Variants in TNFRSF8 observed in about 807,000 individuals in gnomAD.
TNFRSF8 encodes TNF receptor superfamily member 8, also known as tumor necrosis factor receptor superfamily member 8.
Under a neutral mutation model 70.8 loss-of-function variants are expected in TNFRSF8, and 26 were observed. The ratio of observed to expected loss-of-function variants is 0.37; its 90% CI spans 0.27 to 0.51. The LOEUF (loss-of-function observed/expected upper bound fraction) is 0.51. Ranked by LOEUF, TNFRSF8 falls within the 20% of genes least tolerant of loss-of-function variation. TNFRSF8 has a pLI of 0.94. For missense variants in TNFRSF8, 720 were observed against 807.9 expected, an observed-to-expected ratio of 0.89 and a Z score of 1.32; for synonymous variants, 356 against 339.2, an observed-to-expected ratio of 1.05 and a Z score of -0.54.
chr1:12,128,082 T>C (rs537213333), intron 12 of TNFRSF8, among the ~76,000 whole-genome samples: 2 of 152,298 alleles, frequency 1.3e-5, no homozygotes, highest in South Asian at 4.1e-4. Flanking sequence ...CCCCTTTCCC[T>C]CCTGAGCCGT....
rs1046922560 is a variant in TNFRSF8, at chr1:12,113,745, G to GAGAAAGAGAGAGAGAGAGAC, written c.793+1755_793+1774dup. The stretch of plus-strand genomic sequence containing the variant: ...ATAGAGTGTGACAGAGAGAAAGACA[G>GAGAAAGAGAGAGAGAGAGAC]AGAAAGAGAGAGAGAGAGACAGAAA... On this transcript the variant is annotated intron_variant, in intron 7 of 14. Coordinates refer to ENST00000263932, the MANE Select transcript of TNFRSF8 (RefSeq NM_001243.5). The surrounding 1 kb of genome is among the most constrained non-coding windows in gnomAD (Gnocchi z 4.9). 6.6e-6 allele frequency among the ~76,000 whole-genome samples: 1 copy of GAGAAAGAGAGAGAGAGAGAC among 151,654 alleles called. No homozygotes were observed. Among genetic ancestry groups the GAGAAAGAGAGAGAGAGAGAC allele is most frequent in the Non-Finnish European group, 1.5e-5 (1 of 67,828 alleles).
At chr1:12,102,638 G>A (rs955345780) in intron 3 of TNFRSF8, among the ~76,000 whole-genome samples, 1 of 152,146 alleles carries the variant, frequency 6.6e-6, no homozygotes, top group Non-Finnish European at 1.5e-5. Flanking sequence ...TGATTTTCCT[G>A]TCTCAGCCTC....
chr1:12,063,713 A>G lies in TNFRSF8; in HGVS notation c.63+52A>G, dbSNP rs1640688247. 7.9e-7 allele frequency: 1 copy of G among 1,258,090 alleles called. No homozygotes were observed. The highest frequency in any genetic ancestry group is 3.2e-5 in the East Asian group (1 of 31,678). The allele number at this position is 1,258,090 out of a possible 1,614,324, so 77.9% of individuals were successfully genotyped here. On this transcript the variant is annotated intron_variant, in intron 1 of 14. Transcript: ENST00000263932. The surrounding 1 kb of genome is among the most constrained non-coding windows in gnomAD (Gnocchi z 7.2). ...GGTGCCGGCGGTCCAGAGCCCGGACAGTGTGGGGTGCGTGGGACGCAAGGG... is the reference window on the plus strand; with the variant it reads ...GGTGCCGGCGGTCCAGAGCCCGGACGGTGTGGGGTGCGTGGGACGCAAGGG...
In TNFRSF8 at chr1:12,138,016, C is replaced by T. The variant is rs11569937; in HGVS notation, c.1336-213C>T. On this transcript the variant is annotated intron_variant, in intron 13 of 14. Coordinates refer to ENST00000263932, the MANE Select transcript of TNFRSF8 (RefSeq NM_001243.5). The surrounding 1 kb of genome is among the most constrained non-coding windows in gnomAD (Gnocchi z 5.7). ...CGGACGTGGCGAGCACCCTGTGAGTCGCTGACTGTTACCCCTACTATTTAG... is the reference window on the plus strand; with the variant it reads ...CGGACGTGGCGAGCACCCTGTGAGTTGCTGACTGTTACCCCTACTATTTAG... Among the ~76,000 whole-genome samples, 6 of 152,112 alleles carry T rather than the reference C, an allele frequency of 3.9e-5. No homozygotes were observed. The highest frequency in any genetic ancestry group is 4.2e-4 in the South Asian group (2 of 4,814).
At chr1:12,065,221 T>A (rs1640717982) in intron 1 of TNFRSF8, among the ~76,000 whole-genome samples, 1 of 151,668 alleles carries the variant, frequency 6.6e-6, no homozygotes, top group Admixed American at 6.6e-5. Flanking sequence ...TAGCTGGGAT[T>A]ACAGGCATGT....
At position 12,113,679 on chromosome 1, in the gene TNFRSF8, G is replaced by A. The variant is rs540012295; in HGVS notation, c.793+1665G>A. Among the ~76,000 whole-genome samples the A allele has an allele frequency of 7.1e-6, 1 of 140,652 alleles. No individual in the cohort carries two copies. The highest frequency in any genetic ancestry group is 2.8e-5 in the African/African-American group (1 of 35,704). 92.3% of individuals were successfully genotyped at this position (140,652 alleles called of 152,430 possible). A position where few individuals can be genotyped will look rare whatever the true frequency, so the allele number is the denominator to read the frequency against. ...GGAGTGAGCGAGAGAGAGAGAGACA[G>A]AAAGACAGAAAGAGAGACTGAGAGA... On this transcript the variant is annotated intron_variant, in intron 7 of 14. Coordinates refer to ENST00000263932, the MANE Select transcript of TNFRSF8 (RefSeq NM_001243.5). This position sits in a 1 kb window ranked among gnomAD's most constrained non-coding sequence, Gnocchi z 4.9.
chr1:12,116,480 TA>T (rs1641732248), intron 8 of TNFRSF8, among the ~76,000 whole-genome samples: 2 of 152,124 alleles, frequency 1.3e-5, no homozygotes, highest in Admixed American at 1.3e-4. Context: ...CCAGGTGGTT[TA>T]AAACAGATGG....
chr1:12,114,780 C>T (rs1257472495), intron 7 of TNFRSF8, among the ~76,000 whole-genome samples: 1 of 130,318 alleles, frequency 7.7e-6, no homozygotes. Context: ...ACTATCTTGG[C>T]TCACTGCAAC....
intron 12 of TNFRSF8, among the ~76,000 whole-genome samples, chr1:12,128,104 G>C (rs1016809763): frequency 1.3e-5 from 2 of 152,254 alleles, no homozygotes; most frequent in African/African-American, 2.4e-5. Flanking sequence ...GGTGGTGAAG[G>C]AGGGAAGGAG....
chr1:12,108,356 G>A lies in TNFRSF8; in HGVS notation c.422-1210G>A, dbSNP rs930901826. Among the ~76,000 whole-genome samples, 1 of 152,026 alleles carries A rather than the reference G, an allele frequency of 6.6e-6. No homozygotes were observed. Among genetic ancestry groups the A allele is most frequent in the Non-Finnish European group, 1.5e-5 (1 of 68,008 alleles). ...GCCTCCCAAAGTGTTGGGATTACAG[G>A]TGTGAGCCACCGTGCCTGGCGACAT... On this transcript the variant is annotated intron_variant, in intron 4 of 14. Coordinates refer to ENST00000263932, the MANE Select transcript of TNFRSF8 (RefSeq NM_001243.5). The surrounding 1 kb of genome is among the most constrained non-coding windows in gnomAD (Gnocchi z 4.0).
At position 12,108,023 on chromosome 1, in the gene TNFRSF8, G is replaced by T. The variant is rs1641557153; in HGVS notation, c.422-1543G>T. On this transcript the variant is annotated intron_variant, in intron 4 of 14. Coordinates refer to ENST00000263932, the MANE Select transcript of TNFRSF8 (RefSeq NM_001243.5). This position sits in a 1 kb window ranked among gnomAD's most constrained non-coding sequence, Gnocchi z 4.0. ...AACACGAGAGGTCAGCATTGCTCGCGCTCACCTCCACGGAAAGCTTCAGAG... is the reference window on the plus strand; with the variant it reads ...AACACGAGAGGTCAGCATTGCTCGCTCTCACCTCCACGGAAAGCTTCAGAG... 6.6e-6 allele frequency among the ~76,000 whole-genome samples: 1 copy of T among 151,694 alleles called. No individual in the cohort carries two copies. Among genetic ancestry groups the T allele is most frequent in the Non-Finnish European group, 1.5e-5 (1 of 67,968 alleles).
At chr1:12,130,929 C>T (rs1642036269) in intron 12 of TNFRSF8, among the ~76,000 whole-genome samples, 1 of 152,210 alleles carries the variant, frequency 6.6e-6, no homozygotes, top group African/African-American at 2.4e-5. Context: ...TATCAAAATC[C>T]TCATGGGTTG....
At chr1:12,116,674 A>C (rs1213532432) in intron 8 of TNFRSF8, among the ~76,000 whole-genome samples, 1 of 152,088 alleles carries the variant, frequency 6.6e-6, no homozygotes, top group African/African-American at 2.4e-5. Flanking sequence ...GGTGGTGGGC[A>C]CCGTAGTCCC....
At position 12,119,414 on chromosome 1, in the gene TNFRSF8, C is replaced by G. The variant is rs1022719358; in HGVS notation, c.946+3685C>G. ...TAGACTTCAGGTCAAAAGGACCTACCAAGAGCAAAGCAGGATTAATGGAAA... is the reference window on the plus strand; with the variant it reads ...TAGACTTCAGGTCAAAAGGACCTACGAAGAGCAAAGCAGGATTAATGGAAA... On this transcript the variant is annotated intron_variant, in intron 8 of 14. Coordinates refer to ENST00000263932, the MANE Select transcript of TNFRSF8 (RefSeq NM_001243.5). The surrounding 1 kb of genome is among the most constrained non-coding windows in gnomAD (Gnocchi z 4.4). Among the ~76,000 whole-genome samples, 1 of 152,184 alleles carries G rather than the reference C, an allele frequency of 6.6e-6. No individual in the cohort carries two copies. The highest frequency in any genetic ancestry group is 1.9e-4 in the East Asian group (1 of 5,176).
Position 12,076,661 on chromosome 1 carries a change from G to A in TNFRSF8, c.64-7803G>A, listed in dbSNP as rs947349400. Among the ~76,000 whole-genome samples, 7 of 152,240 alleles carry A rather than the reference G, an allele frequency of 4.6e-5. No homozygotes were observed. The East Asian group carries it at 7.7e-4, about 17-fold the overall frequency. On this transcript the variant is annotated intron_variant, in intron 1 of 14. Coordinates refer to ENST00000263932, the MANE Select transcript of TNFRSF8 (RefSeq NM_001243.5). Reference sequence around the variant, plus strand: ...GCAGGAACTGGGGAAAACTCAACTCGGCACCTGCTTGCAGTGGGACAACTG... The same window carrying A: ...GCAGGAACTGGGGAAAACTCAACTCAGCACCTGCTTGCAGTGGGACAACTG...
chr1:12,081,309 G>A (rs1275838245), intron 1 of TNFRSF8, among the ~76,000 whole-genome samples: 1 of 152,106 alleles, frequency 6.6e-6, no homozygotes, highest in African/African-American at 2.4e-5. Context: ...GGGAGACCAA[G>A]GACAAGGACC....
chr1:12,095,750 G>C (rs987598616), intron 2 of TNFRSF8, among the ~76,000 whole-genome samples: 6 of 152,270 alleles, frequency 3.9e-5, no homozygotes, highest in South Asian at 2.1e-4. Flanking sequence ...GGAACCCCCT[G>C]GTCTATTTTC....
chr1:12,063,545 C>T lies in TNFRSF8; in HGVS notation c.-54C>T. The T allele has an allele frequency of 7.7e-7, 1 of 1,294,222 alleles. No homozygotes were observed. The highest frequency in any genetic ancestry group is 9.8e-7 in the Non-Finnish European group (1 of 1,015,406). The allele number at this position is 1,294,222 out of a possible 1,614,324, so 80.2% of individuals were successfully genotyped here. The stretch of plus-strand genomic sequence containing the variant: ...CCGCACGTGGGCGCCGCGCGCTTCC[C>T]CCGCTTCCCAGGTGGGCGCCGGCCG... On this transcript the variant is annotated 5_prime_UTR_variant, in exon 1 of 15. Transcript: ENST00000263932. The surrounding 1 kb of genome is among the most constrained non-coding windows in gnomAD (Gnocchi z 7.2).
chr1:12,130,654 C>T (rs1035212982), intron 12 of TNFRSF8, among the ~76,000 whole-genome samples: 4 of 152,220 alleles, frequency 2.6e-5, no homozygotes, highest in African/African-American at 9.6e-5. Flanking sequence ...AGCTTTACAT[C>T]GCATGTGAGA....
Sources: gnomAD v4.1 joint callset for allele counts (sites outside exome capture counted in the v4.1 genomes callset) on GRCh38, gnomAD v4.1.1 for gene constraint, Gnocchi (gnomAD v3.1) non-coding constraint, MANE v1.5 for transcripts, NCBI Gene and HGNC (gene_info 2026-07-23, HGNC 2026-07-21) for gene names.